ZNF37A: variants seen among roughly 807,000 people sequenced by gnomAD.
ZNF37A encodes zinc finger protein 37A.
ZNF37A carries 10 observed loss-of-function variants against 12.3 expected under a neutral mutation model. The observed-to-expected ratio is 0.82, with a 90% CI of 0.50 to 1.38. The LOEUF (loss-of-function observed/expected upper bound fraction) is 1.38. ZNF37A is among the 40% of genes most tolerant of loss of function. ZNF37A has a pLI of 0.00. For synonymous variants in ZNF37A, 207 were observed against 223.0 expected, an observed-to-expected ratio of 0.93 and a Z score of 0.64; for missense variants, 580 against 651.2, an observed-to-expected ratio of 0.89 and a Z score of 1.19.
chr10:38,145,397 C>T (rs560875849), intron 7 of ZNF37A, among the ~76,000 whole-genome samples: 1 of 152,168 alleles, frequency 6.6e-6, no homozygotes, highest in African/African-American at 2.4e-5. Context: ...GTGAGTGCTC[C>T]GAGAGTAATT....
At chr10:38,100,505 T>C (rs2067478273) in intron 5 of ZNF37A, among the ~76,000 whole-genome samples, 1 of 152,228 alleles carries the variant, frequency 6.6e-6, no homozygotes, top group Non-Finnish European at 1.5e-5. Context: ...CCCAGGGATG[T>C]TCCTTGCTGA....
intron 7 of ZNF37A, chr10:38,141,434 A>G (rs2070182642): frequency 6.6e-6 from 1 of 152,186 alleles, no homozygotes; most frequent in South Asian, 2.1e-4. Flanking sequence ...AGTCAGACAA[A>G]CATAAACCAA....
At chr10:38,126,073 G>T (rs1277947560), downstream of ZNF37A, among the ~76,000 whole-genome samples, 1 of 152,192 alleles carries the variant, frequency 6.6e-6, no homozygotes, top group Non-Finnish European at 1.5e-5. Context: ...CTTACCTCCA[G>T]CACTGGGAAT....
In ZNF37A at chr10:38,118,566, G is replaced by T; in HGVS notation, c.1415G>T (p.Cys472Phe). The T allele has an allele frequency of 1.9e-6, 3 of 1,606,136 alleles. No homozygotes were observed. The highest frequency in any genetic ancestry group is 2.6e-6 in the Non-Finnish European group (3 of 1,174,918). Residue 472 changes from cysteine to phenylalanine, a missense_variant, in exon 8 of 8, where the codon TGT becomes TTT. Coordinates refer to ENST00000685332, the MANE Select transcript of ZNF37A (RefSeq NM_001324250.3). ...TGEKPFGCNE[C>F]GKTFRQKSAL... ...GAGAAACCTTTTGGATGTAATGAAT[G>T]TGGGAAAACCTTCCGTCAGAAGTCA...
chr10:38,100,081 G>A (rs536417199), intron 5 of ZNF37A, among the ~76,000 whole-genome samples: 3 of 152,238 alleles, frequency 2.0e-5, no homozygotes, highest in South Asian at 2.1e-4. Flanking sequence ...GGTAGGTTCC[G>A]TGATGCCCCA....
chr10:38,125,689 A>G (rs2069914477), downstream of ZNF37A: 1 of 152,170 alleles, frequency 6.6e-6, no homozygotes, highest in South Asian at 2.1e-4. Flanking sequence ...AACCAGCTCA[A>G]TTTTCCTATA....
Position 38,119,445 on chromosome 10 carries a change from A to G in ZNF37A, c.*608A>G. 9.5e-6 allele frequency: 9 copies of G among 950,122 alleles called. No individual in the cohort carries two copies. Among genetic ancestry groups the G allele is most frequent in the Non-Finnish European group, 1.0e-5 (8 of 797,398 alleles). 58.9% of individuals were successfully genotyped at this position (950,122 alleles called of 1,614,324 possible). On this transcript the variant is annotated 3_prime_UTR_variant, in exon 8 of 8. Coordinates refer to ENST00000685332, the MANE Select transcript of ZNF37A (RefSeq NM_001324250.3). ...TATATGTAATAAGAAGTAGCTTCTCAGTGAACATCAGATAGTAGAGAAAGT... is the reference window on the plus strand; with the variant it reads ...TATATGTAATAAGAAGTAGCTTCTCGGTGAACATCAGATAGTAGAGAAAGT...
chr10:38,102,597 A>G (rs538915077), intron 5 of ZNF37A, among the ~76,000 whole-genome samples: 3 of 152,352 alleles, frequency 2.0e-5, no homozygotes, highest in Admixed American at 2.0e-4. Flanking sequence ...AGCCAAGAAT[A>G]CAATAAGACT....
intron 5 of ZNF37A, among the ~76,000 whole-genome samples, chr10:38,113,965 G>T (rs531565666): frequency 5.9e-5 from 9 of 152,242 alleles, no homozygotes; most frequent in African/African-American, 2.2e-4. Context: ...ATATCAGCAT[G>T]CCTATTTATA....
chr10:38,118,546 A>G lies in ZNF37A; in HGVS notation c.1395A>G (p.Lys465=). The G allele has an allele frequency of 1.9e-6, 3 of 1,614,000 alleles. No individual in the cohort carries two copies. The highest frequency in any genetic ancestry group is 2.5e-6 in the Non-Finnish European group (3 of 1,179,964). The change falls in exon 8 of 8, where the codon AAA becomes AAG. Residue 465 remains lysine (K), a synonymous_variant. Transcript: ENST00000685332. ...ATCTGAGAAGACACACAGGGGAGAA[A>G]CCTTTTGGATGTAATGAATGTGGGA... ...TEHLRRHTGE[K]PFGCNECGKT...
downstream of ZNF37A, among the ~76,000 whole-genome samples, chr10:38,128,195 T>C (rs1158045334): frequency 6.6e-6 from 1 of 152,184 alleles, no homozygotes; most frequent in Non-Finnish European, 1.5e-5. Flanking sequence ...GATTTTAATA[T>C]GCACTGAGCA....
chr10:38,145,844 A>G (rs2070246224), intron 7 of ZNF37A, among the ~76,000 whole-genome samples: 1 of 152,210 alleles, frequency 6.6e-6, no homozygotes, highest in Non-Finnish European at 1.5e-5. Context: ...TATGCCTCTA[A>G]TCCCAGCAAT....
intron 5 of ZNF37A, among the ~76,000 whole-genome samples, chr10:38,108,070 C>T (rs962501537): frequency 6.6e-6 from 1 of 152,174 alleles, no homozygotes; most frequent in Non-Finnish European, 1.5e-5. Context: ...AGCACCACAT[C>T]ACATTTATTC....
chr10:38,130,776 G>A (rs2070014855), intron 7 of ZNF37A, among the ~76,000 whole-genome samples: 1 of 152,014 alleles, frequency 6.6e-6, no homozygotes, highest in Non-Finnish European at 1.5e-5. Context: ...AGCCCACCAC[G>A]CTATTTTCAA....
intron 7 of ZNF37A, chr10:38,140,670 A>T (rs1590949686): frequency 6.6e-6 from 1 of 152,342 alleles, no homozygotes; most frequent in Admixed American, 6.5e-5. Context: ...GTCTGCTAAG[A>T]GATACATGCA....
chr10:38,101,774 G>T (rs77311986), intron 5 of ZNF37A, among the ~76,000 whole-genome samples: 1 of 149,908 alleles, frequency 6.7e-6, no homozygotes, highest in African/African-American at 2.4e-5. Flanking sequence ...TATATAGTTG[G>T]ATCATATATT....
At chr10:38,112,759 T>TG (rs1477631029) in intron 5 of ZNF37A, among the ~76,000 whole-genome samples, 2 of 47,008 alleles carry the variant, frequency 4.3e-5, no homozygotes, top group Admixed American at 2.6e-4. Context: ...TCTTTTCTTT[T>TG]CTTTTCTTTT....
rs780041402 is a variant in ZNF37A, at chr10:38,118,471, A to G, written c.1320A>G (p.Glu440=). Residue 440 remains glutamate (E), a synonymous_variant, in exon 8 of 8, where the codon GAA becomes GAG. Transcript: ENST00000685332. Reference sequence around the variant, plus strand: ...CTCACACAGGTGAGAAACCTTATGAATGTATTCAGTGTGGAAAATTTTTCT... The same window carrying G: ...CTCACACAGGTGAGAAACCTTATGAGTGTATTCAGTGTGGAAAATTTTTCT... ...LRTHTGEKPY[E]CIQCGKFFCY... is the part of the protein sequence containing the mutation. 1.9e-6 allele frequency: 3 copies of G among 1,614,078 alleles called. No homozygotes were observed. The African/African-American group carries it at 4.0e-5, about 22-fold the overall frequency.
At chr10:38,096,050 G>A (rs1048849988) in intron 4 of ZNF37A, among the ~76,000 whole-genome samples, 3 of 152,066 alleles carry the variant, frequency 2.0e-5, no homozygotes, top group African/African-American at 7.3e-5. Flanking sequence ...GCCGGGTGTG[G>A]TGGTGCGCAC....
Sources: gnomAD v4.1 joint callset for allele counts (sites outside exome capture counted in the v4.1 genomes callset) on GRCh38, gnomAD v4.1.1 for gene constraint, MANE v1.5 for transcripts, NCBI Gene and HGNC (gene_info 2026-07-23, HGNC 2026-07-21) for gene names.